MPND: variants seen among roughly 807,000 people sequenced by gnomAD.
MPND encodes the protein MPN domain containing.
Under a neutral mutation model 59.2 loss-of-function variants are expected in MPND, and 56 were observed. The ratio of observed to expected loss-of-function variants is 0.95; its 90% CI spans 0.76 to 1.18. The LOEUF (loss-of-function observed/expected upper bound fraction) is 1.18, where lower values mean the gene tolerates loss of function less well. MPND is among the 50% of genes most tolerant of loss of function. The probability of loss-of-function intolerance (pLI) is 0.00; values close to 1 mark genes in which losing one functional copy is unlikely to be tolerated. For missense variants in MPND, 671 were observed against 676.0 expected, an observed-to-expected ratio of 0.99 and a Z score of 0.08; for synonymous variants, 323 against 291.9, an observed-to-expected ratio of 1.11 and a Z score of -1.09.
At chr19:4,345,681 C>A (rs887690110) in intron 2 of MPND, 64 bp from the exon 3 acceptor site, 7 of 1,483,572 alleles carry the variant, frequency 4.7e-6, no homozygotes, top group Middle Eastern at 1.7e-4. Context: ...CTGGGGAGGA[C>A]CCCCCGGGAG....
intron 3 of MPND, among the ~76,000 whole-genome samples, chr19:4,346,385 G>C (rs1022896841): frequency 6.6e-6 from 1 of 152,076 alleles, no homozygotes; most frequent in Non-Finnish European, 1.5e-5. Context: ...CACCAGCCGG[G>C]TGAACTTGAC....
At chr19:4,345,425 TTC>T (rs1426227117) in intron 2 of MPND, among the ~76,000 whole-genome samples, 1 of 152,206 alleles carries the variant, frequency 6.6e-6, no homozygotes, top group East Asian at 1.9e-4. Context: ...GAATGGGAGT[TTC>T]TGAATGGAGC....
intron 12 of MPND, 50 bp from the exon 13 acceptor site, chr19:4,359,866 G>A: frequency 6.8e-7 from 1 of 1,461,598 alleles, no homozygotes; most frequent in South Asian, 1.2e-5. Flanking sequence ...GAGGCGCAGG[G>A]CTGGCTAGGA....
rs1215085528 is a variant in MPND at position 4,358,074 on chromosome 19, C to G, written c.1237-9C>G. On this transcript the variant is annotated splice_polypyrimidine_tract_variant and intron_variant, in intron 10 of 12. Transcript: ENST00000599840. ...TGAGGCTTCTCTCACTGGTCTGTGT[C>G]CCTGCCAGCAAAGGCCCAGTGACTA... The G allele has an allele frequency of 6.4e-7, 1 of 1,550,600 alleles. No homozygotes were observed.
rs1232342092 is a variant in MPND at position 4,359,941 on chromosome 19, A to G, written c.1445A>G (p.Lys482Arg). The G allele has an allele frequency of 1.9e-6, 3 of 1,574,110 alleles. No individual in the cohort carries two copies. Among genetic ancestry groups the G allele is most frequent in the East Asian group, 2.4e-5 (1 of 42,152 alleles). The change falls in exon 13 of 13, where the codon AAG (lysine) becomes AGG (arginine). Residue 482 changes from lysine (K) to arginine (R), a missense_variant. Transcript: ENST00000599840. The part of the protein sequence containing the change: ...LKISLASRTP[K>R]DQSLCHVLEQ... ...ATCTCCTTGGCCAGCAGGACGCCCA[A>G]GGACCAGAGCCTGTGTCACGTCCTG...
rs181661094 is a variant in MPND at position 4,351,589 on chromosome 19, A to G, written c.532-1308A>G. 1.6e-3 allele frequency among the ~76,000 whole-genome samples: 245 copies of G among 152,076 alleles called. 1 individual carries two copies. Among genetic ancestry groups the G allele is most frequent in the African/African-American group, 5.6e-3 (232 of 41,504 alleles). ...ATAAGAATAGACTTGGCGGCCGGGCACGGTGGCTCACGCCTTTAATCCCAG... is the reference window on the plus strand; with the variant it reads ...ATAAGAATAGACTTGGCGGCCGGGCGCGGTGGCTCACGCCTTTAATCCCAG... On this transcript the variant is annotated intron_variant, in intron 3 of 12. Coordinates refer to ENST00000599840, the MANE Select transcript of MPND (RefSeq NM_001300862.2).
chr19:4,355,196 G>A (rs1404603696), intron 8 of MPND, 23 bp downstream of exon 8: 2 of 1,610,678 alleles, frequency 1.2e-6, no homozygotes, highest in East Asian at 2.2e-5. Context: ...CTGGGAGGTG[G>A]CATTCTGGGG....
At position 4,359,921 on chromosome 19, in the gene MPND, C is replaced by A; in HGVS notation, c.1425C>A (p.Ser475=). 6.4e-7 allele frequency: 1 copy of A among 1,567,444 alleles called. No homozygotes were observed. Among genetic ancestry groups the A allele is most frequent in the East Asian group, 2.4e-5 (1 of 41,776 alleles). Residue 475 remains serine, a synonymous_variant, in exon 13 of 13, where the codon TCC becomes TCA. Transcript: ENST00000599840. ...GCCCAGCCCCCTCGTTTCAGATCTC[C>A]TTGGCCAGCAGGACGCCCAAGGACC... The part of the protein sequence containing the change: ...EHTYLDKLKI[S]LASRTPKDQS...
chr19:4,357,249 C>T lies in MPND; in HGVS notation c.997-4C>T. On this transcript the variant is annotated splice_polypyrimidine_tract_variant and splice_region_variant and intron_variant, in intron 8 of 12. Coordinates refer to ENST00000599840, the MANE Select transcript of MPND (RefSeq NM_001300862.2). ...TGCCCGCTGAGCTGCGCCTCTGTCC[C>T]CAGATCTACCAGAGCCTGTTCCTGC... 2 of 1,590,278 alleles carry T rather than the reference C, an allele frequency of 1.3e-6. No homozygotes were observed. Among genetic ancestry groups the T allele is most frequent in the Non-Finnish European group, 1.7e-6 (2 of 1,167,322 alleles).
intron 8 of MPND, chr19:4,356,644 T>TG (rs1972444105): frequency 6.6e-6 from 1 of 151,864 alleles, no homozygotes; most frequent in African/African-American, 2.4e-5. Context: ...TTCTTTTTTT[T>TG]TTTTCCTTTT....
chr19:4,352,848 G>GA (rs397962827), intron 3 of MPND, 49 bp from the exon 4 acceptor site: 1 of 1,312,416 alleles, frequency 7.6e-7, no homozygotes, highest in Non-Finnish European at 9.8e-7. Flanking sequence ...GAGCGGGGGG[G>GA]CACCCAGCTG....
rs1201222837 is a variant in MPND, at chr19:4,359,901, GC to G, written c.1420-10del. The G allele has an allele frequency of 1.3e-6, 2 of 1,553,334 alleles. No individual in the cohort carries two copies. The highest frequency in any genetic ancestry group is 3.8e-5 in the Admixed American group (2 of 52,074). On this transcript the variant is annotated splice_polypyrimidine_tract_variant and intron_variant, in intron 12 of 12. Transcript: ENST00000599840. ...ACCCCCGGGCACAGCCTGAGGCCCA[GC>G]CCCCTCGTTTCAGATCTCCTTGGCC...
chr19:4,357,015 ATGACTT>A, intron 8 of MPND: 1 of 414,820 alleles, frequency 2.4e-6, no homozygotes, highest in Non-Finnish European at 4.2e-6. Context: ...AGTGAACAAA[ATGACTT>A]TGGTGTCCTG....
rs1291681290 is a variant in MPND, at chr19:4,358,017, A to G, written c.1237-66A>G. The G allele has an allele frequency of 5.8e-6, 8 of 1,380,968 alleles. No individual in the cohort carries two copies. In the African/African-American group the frequency reaches 8.6e-5, roughly 15 times the overall value. 85.5% of individuals were successfully genotyped at this position (1,380,968 alleles called of 1,614,324 possible). Reference sequence around the variant, plus strand: ...CCCGTTCCCAGCCCGGGCACTGCCAATTGTCCCCAGCTGCCATGGGCTGCG... The same window carrying G: ...CCCGTTCCCAGCCCGGGCACTGCCAGTTGTCCCCAGCTGCCATGGGCTGCG... On this transcript the variant is annotated intron_variant, in intron 10 of 12. Coordinates refer to ENST00000599840, the MANE Select transcript of MPND (RefSeq NM_001300862.2).
At chr19:4,350,410 C>G (rs915326982) in intron 3 of MPND, among the ~76,000 whole-genome samples, 1 of 151,928 alleles carries the variant, frequency 6.6e-6, no homozygotes, top group African/African-American at 2.4e-5. Flanking sequence ...GACTGAGGTG[C>G]TCACAGGCGT....
chr19:4,350,142 G>T (rs1972283181), intron 3 of MPND, among the ~76,000 whole-genome samples: 1 of 152,122 alleles, frequency 6.6e-6, no homozygotes, highest in Admixed American at 6.6e-5. Flanking sequence ...GGGGAGGGAG[G>T]GAGGGTGCCA....
At chr19:4,350,869 T>G (rs1599570892) in intron 3 of MPND, among the ~76,000 whole-genome samples, 1 of 148,912 alleles carries the variant, frequency 6.7e-6, no homozygotes. Flanking sequence ...CTGGGAGGGG[T>G]GTGGAGGGAG....
At chr19:4,357,659 C>G in intron 10 of MPND, 74 bp downstream of exon 10, 1 of 1,446,300 alleles carries the variant, frequency 6.9e-7, no homozygotes, top group Non-Finnish European at 9.4e-7. Flanking sequence ...AGGCAGGGGC[C>G]CCTGGTTCCA....
chr19:4,351,312 C>T (rs886482057), intron 3 of MPND, among the ~76,000 whole-genome samples: 8 of 151,874 alleles, frequency 5.3e-5, no homozygotes, highest in Non-Finnish European at 2.9e-5. Context: ...CCATGTTGGC[C>T]AGGCTGGTCT....
Sources: gnomAD v4.1 joint callset for allele counts (sites outside exome capture counted in the v4.1 genomes callset) on GRCh38, gnomAD v4.1.1 for gene constraint, MANE v1.5 for transcripts, NCBI Gene and HGNC (gene_info 2026-07-23, HGNC 2026-07-21) for gene names.